The following CAMTA2 variants were observed in gnomAD, a reference collection of about 807,000 sequenced individuals.
CAMTA2 encodes the protein calmodulin-binding transcription activator 2.
A neutral mutation model predicts 135.7 loss-of-function variants in CAMTA2; 56 were observed. The observed-to-expected ratio is 0.41, with a 90% CI of 0.33 to 0.52. CAMTA2 has a LOEUF of 0.52. CAMTA2 is among the 20% of genes least tolerant of loss of function. The probability of loss-of-function intolerance (pLI) is 0.16; values close to 1 mark genes in which losing one functional copy is unlikely to be tolerated. For missense variants in CAMTA2, 1,358 were observed against 1,553.4 expected (o/e 0.87, Z 2.11); for synonymous variants, 591 against 604.6 (o/e 0.98, Z 0.33).
rs1482204609 is a variant in CAMTA2 at position 4,973,579 on chromosome 17, G to A, written c.2201+6C>T. On this transcript the variant is annotated splice_donor_region_variant and intron_variant, in intron 13 of 22. Transcript: ENST00000348066. ...GCCCAGCCCTCACCCAGCTGCCCTT[G>A]CTCACCGCCACTGGCTCAGGGTCTC... The A allele has an allele frequency of 6.2e-7, 1 of 1,608,956 alleles. No homozygotes were observed. The highest frequency in any genetic ancestry group is 8.5e-7 in the Non-Finnish European group (1 of 1,178,842).
chr17:4,975,128 A>G (rs1229279946), intron 11 of CAMTA2, among the ~76,000 whole-genome samples: 1 of 152,034 alleles, frequency 6.6e-6, no homozygotes, highest in Non-Finnish European at 1.5e-5. Flanking sequence ...CCCCCAAGCT[A>G]TATCTGTCCC....
Position 4,982,765 on chromosome 17 carries a change from C to T in CAMTA2, c.331G>A (p.Gly111Ser), listed in dbSNP as rs1185751870. The T allele has an allele frequency of 6.2e-7, 1 of 1,614,000 alleles. No homozygotes were observed. Among genetic ancestry groups the T allele is most frequent in the Admixed American group, 1.7e-5 (1 of 60,014 alleles). ...ATATCTGACTCTCTTACCTCCATGC[C>T]CTGGACCTTCAGCTTCATGTGGTCC... ...REDHMKLKVQ[G>S]MECLYGCYVH... The change falls in exon 5 of 23, where the codon GGC becomes AGC. Residue 111 changes from glycine (G) to serine (S), a missense_variant. Physicochemically the swap from Gly to Ser is moderately conservative, Grantham distance 56 (BLOSUM62 0). This residue lies in a region of CAMTA2 where 105 missense variants were observed against 190.9 expected (regional missense o/e 0.55). Coordinates refer to ENST00000348066, the MANE Select transcript of CAMTA2 (RefSeq NM_015099.4).
In CAMTA2 at chr17:4,979,869, C is replaced by G; in HGVS notation, c.1453G>C (p.Gly485Arg). 1 of 1,613,376 alleles carries G rather than the reference C, an allele frequency of 6.2e-7. No individual in the cohort carries two copies. The highest frequency in any genetic ancestry group is 1.1e-5 in the South Asian group (1 of 91,044). Residue 485 changes from glycine to arginine, a missense_variant, in exon 9 of 23, where the codon GGA becomes CGA. Coordinates refer to ENST00000348066, the MANE Select transcript of CAMTA2 (RefSeq NM_015099.4). ...ACAGGTCCTCCAAACAAGGCCTCTC[C>G]TCTTCCTACCCTGCTTGACGGCTCC... is the stretch of plus-strand genomic sequence containing the variant. ...PLEPSSRVGR[G>R]EALFGGPVGA...
In CAMTA2 at chr17:4,985,860, C is replaced by G; in HGVS notation, c.135+20G>C. 6.4e-7 allele frequency: 1 copy of G among 1,570,750 alleles called. No individual in the cohort carries two copies. The highest frequency in any genetic ancestry group is 8.8e-7 in the Non-Finnish European group (1 of 1,141,040). On this transcript the variant is annotated intron_variant, in intron 3 of 22. Coordinates refer to ENST00000348066, the MANE Select transcript of CAMTA2 (RefSeq NM_015099.4). ...CTACTAGGTCTTGCTGGGCCCCAAC[C>G]CCCAGCCTCCCTAGAAAACCTCATT...
chr17:4,981,443 T>C (rs1972955519), intron 7 of CAMTA2, 84 bp from the exon 8 acceptor site: 1 of 1,557,778 alleles, frequency 6.4e-7, no homozygotes, highest in South Asian at 1.2e-5. Flanking sequence ...GCACCTGACA[T>C]GCTTCAAGAC....
intron 2 of CAMTA2, 34 bp downstream of exon 2, chr17:4,986,158 G>T: frequency 7.7e-7 from 1 of 1,294,712 alleles, no homozygotes; most frequent in Non-Finnish European, 1.1e-6. Context: ...ACGAAAGGCT[G>T]TGGCCACATT....
Position 4,970,033 on chromosome 17 carries a change from C to T in CAMTA2, c.3058G>A (p.Ala1020Thr). 1.2e-6 allele frequency: 2 copies of T among 1,614,130 alleles called. No individual in the cohort carries two copies. Among genetic ancestry groups the T allele is most frequent in the South Asian group, 1.1e-5 (1 of 91,084 alleles). Residue 1020 changes from alanine to threonine, a missense_variant, in exon 18 of 23, where the codon GCA becomes ACA. By Grantham distance (58) the Ala-to-Thr change is moderately conservative. This residue lies in a region of CAMTA2 where 9 missense variants were observed against 27.9 expected (regional missense o/e 0.32). Coordinates refer to ENST00000348066, the MANE Select transcript of CAMTA2 (RefSeq NM_015099.4). ...RLAVPSAPSW[A>T]EFLSASTSGK... Reference sequence around the variant, plus strand: ...CTGGTGGATGCAGAGAGAAACTCTGCCCAGGAGGGTGCTGAAGGGACAGCC... The same window carrying T: ...CTGGTGGATGCAGAGAGAAACTCTGTCCAGGAGGGTGCTGAAGGGACAGCC...
At position 4,972,953 on chromosome 17, in the gene CAMTA2, C is replaced by T. The variant is rs1423653969; in HGVS notation, c.2319G>A (p.Val773=). 6.2e-7 allele frequency: 1 copy of T among 1,613,384 alleles called. No individual in the cohort carries two copies. The highest frequency in any genetic ancestry group is 1.3e-5 in the African/African-American group (1 of 74,922). The change falls in exon 15 of 23, where the codon GTG becomes GTA. Residue 773 remains valine (V), a synonymous_variant. Transcript: ENST00000348066. ...CCTGTCGGTTCCAACGGAAAAGGAG[C>T]ACAGCAGCTTCCAGGTGTCCCAGGG... ...ACALGHLEAA[V]LLFRWNRQAL... is the part of the protein sequence containing the mutation.
rs201373442 is a variant in CAMTA2, at chr17:4,972,874, G to C, written c.2398C>G (p.Arg800Gly). 1.2e-6 allele frequency: 2 copies of C among 1,613,904 alleles called. No individual in the cohort carries two copies. Among genetic ancestry groups the C allele is most frequent in the East Asian group, 2.2e-5 (1 of 44,882 alleles). ...CAGCGGGCAAGGCGCACATGACCCC[G>C]GGAATGAGCCACAGACAATGGCAGA... ...GRLPLSVAHS[R>G]GHVRLARCLE... Residue 800 changes from arginine (R) to glycine (G), a missense_variant, in exon 15 of 23, where the codon CGG (arginine) becomes GGG (glycine). Arg to Gly is a moderately radical substitution (Grantham distance 125, BLOSUM62 -2). Coordinates refer to ENST00000348066, the MANE Select transcript of CAMTA2 (RefSeq NM_015099.4).
chr17:4,970,880 G>C lies in CAMTA2; in HGVS notation c.2809-344C>G, dbSNP rs1311843499. ...GCACATGCTCCCCATAGGCTTGGCT[G>C]TGCCCACCCCCAGCTCCCTTTCAAC... is the stretch of plus-strand genomic sequence containing the variant. On this transcript the variant is annotated intron_variant, in intron 16 of 22. Coordinates refer to ENST00000348066, the MANE Select transcript of CAMTA2 (RefSeq NM_015099.4). Among the ~76,000 whole-genome samples the C allele has an allele frequency of 3.3e-5, 5 of 152,292 alleles. No homozygotes were observed. The South Asian group carries it at 1.0e-3, about 32-fold the overall frequency.
At chr17:4,970,586 C>T (rs1972224243) in intron 16 of CAMTA2, 50 bp from the exon 17 acceptor site, 1 of 1,476,712 alleles carries the variant, frequency 6.8e-7, no homozygotes, top group East Asian at 2.3e-5. Context: ...CAGCTGCCAG[C>T]TGTAACCTCA....
rs761878485 is a variant in CAMTA2, at chr17:4,980,431, GGAGGAAGAA to G, written c.882_890del (p.Ser297_Ser299del). Reference sequence around the variant, plus strand: ...CTAGGGGCTCTGCAAAACCTGATGAGGAGGAAGAAGAGGAAGAAGATGGGGAGGTGTGTG... The same window carrying G: ...CTAGGGGCTCTGCAAAACCTGATGAGGAGGAAGAAGATGGGGAGGTGTGTG... On this transcript the variant is annotated inframe_deletion, in exon 9 of 23. Transcript: ENST00000348066. The surrounding 1 kb of genome is among the most constrained non-coding windows in gnomAD (Gnocchi z 5.3). The G allele has an allele frequency of 6.2e-6, 10 of 1,613,664 alleles. No individual in the cohort carries two copies. In the East Asian group the frequency reaches 6.7e-5, roughly 11 times the overall value.
At chr17:4,987,526 G>C in intron 1 of CAMTA2, 67 bp downstream of exon 1, 1 of 1,442,940 alleles carries the variant, frequency 6.9e-7, no homozygotes, top group Non-Finnish European at 9.1e-7. Context: ...GCTCCGCGTC[G>C]GGACCTGGAG....
At position 4,968,014 on chromosome 17, in the gene CAMTA2, A is replaced by G. The variant is rs1972016763; in HGVS notation, c.*742T>C. The G allele has an allele frequency of 6.9e-6, 4 of 580,260 alleles. No individual in the cohort carries two copies. The highest frequency in any genetic ancestry group is 4.6e-4 in the Middle Eastern group (1 of 2,160). 35.9% of individuals were successfully genotyped at this position (580,260 alleles called of 1,614,324 possible). On this transcript the variant is annotated 3_prime_UTR_variant, in exon 23 of 23. Transcript: ENST00000348066. ...AGGCTGGCTGGTGCAGCGATGTTTAATGGCAATTCGTATAAACCAAGCCCA... is the reference window on the plus strand; with the variant it reads ...AGGCTGGCTGGTGCAGCGATGTTTAGTGGCAATTCGTATAAACCAAGCCCA...
At chr17:4,987,334 C>G (rs996627681) in intron 1 of CAMTA2, 303 of 1,343,412 alleles carry the variant, frequency 2.3e-4, no homozygotes, top group Non-Finnish European at 2.5e-4. Flanking sequence ...GCAGAGTCCG[C>G]GGGCACGCGG....
chr17:4,987,536 G>A, intron 1 of CAMTA2, 57 bp downstream of exon 1: 1 of 1,472,688 alleles, frequency 6.8e-7, no homozygotes, highest in Non-Finnish European at 9.0e-7. Context: ...GGGACCTGGA[G>A]GAGCTGCGCC....
At position 4,981,589 on chromosome 17, in the gene CAMTA2, CCTCA is replaced by C; in HGVS notation, c.565+85_565+88del. On this transcript the variant is annotated intron_variant, in intron 7 of 22. Coordinates refer to ENST00000348066, the MANE Select transcript of CAMTA2 (RefSeq NM_015099.4). ...CCCAGCTTGGAGGGAGATGATCAGC[CCTCA>C]GGCTTTGGGTCCAGAACCATGGCCC... 5 of 1,443,048 alleles carry C rather than the reference CCTCA, an allele frequency of 3.5e-6. No homozygotes were observed. The South Asian group carries it at 6.7e-5, about 19-fold the overall frequency. The allele number at this position is 1,443,048 out of a possible 1,614,324, so 89.4% of individuals were successfully genotyped here. A position where few individuals can be genotyped will look rare whatever the true frequency, so the allele number is the denominator to read the frequency against.
Position 4,969,897 on chromosome 17 carries a change from CT to C in CAMTA2, c.3189+4del. On this transcript the variant is annotated splice_donor_region_variant and intron_variant, in intron 18 of 22. Coordinates refer to ENST00000348066, the MANE Select transcript of CAMTA2 (RefSeq NM_015099.4). The surrounding 1 kb of genome is among the most constrained non-coding windows in gnomAD (Gnocchi z 5.6). ...GTAATTCATCCTGAGACCCCTGCCCCTGACCTTGTACTTTCGGAAGGCCGTC... is the reference window on the plus strand; with the variant it reads ...GTAATTCATCCTGAGACCCCTGCCCCGACCTTGTACTTTCGGAAGGCCGTC... The C allele has an allele frequency of 6.2e-7, 1 of 1,613,918 alleles. No homozygotes were observed. The highest frequency in any genetic ancestry group is 8.5e-7 in the Non-Finnish European group (1 of 1,179,812).
chr17:4,968,931 C>G lies in CAMTA2; in HGVS notation c.3521G>C (p.Arg1174Thr). ...KQDQAARKIM[R>T]FLRRCRHRMR... ...CCTGTGTCGGCAGCGCCGCAGGAAT[C>G]TCATGATCTTCCGGGCTGCCTGGTC... Residue 1174 changes from arginine to threonine, a missense_variant, in exon 22 of 23, where the codon AGA (arginine) becomes ACA (threonine). Arg to Thr is a moderately conservative substitution (Grantham distance 71, BLOSUM62 -1). This residue lies in a region of CAMTA2 where 167 missense variants were observed against 207.0 expected (regional missense o/e 0.81). Transcript: ENST00000348066. 6.2e-7 allele frequency: 1 copy of G among 1,614,130 alleles called. No individual in the cohort carries two copies. Among genetic ancestry groups the G allele is most frequent in the South Asian group, 1.1e-5 (1 of 91,062 alleles).
Sources: gnomAD v4.1 joint callset for allele counts (sites outside exome capture counted in the v4.1 genomes callset) on GRCh38, gnomAD v4.1.1 for gene constraint, gnomAD v4.1.1 regional missense constraint, Gnocchi (gnomAD v3.1) non-coding constraint, MANE v1.5 for transcripts, NCBI Gene and HGNC (gene_info 2026-07-23, HGNC 2026-07-21) for gene names.